GRIA3: variants seen among roughly 807,000 people sequenced by gnomAD.
GRIA3 encodes the protein glutamate receptor 3.
GRIA3 carries 3 observed loss-of-function variants against 63.0 expected under a neutral mutation model. That is an observed-to-expected ratio of 0.05 (90% CI 0.02 to 0.12). The LOEUF is 0.12. Ranked by LOEUF, GRIA3 falls within the 10% of genes least tolerant of loss-of-function variation. GRIA3 has a pLI of 1.00. For missense variants in GRIA3, 347 were observed against 700.9 expected (o/e 0.50, Z 5.70); for synonymous variants, 274 against 257.9 (o/e 1.06, Z -0.60).
At chrX:123,222,693 G>A (rs991727856) in intron 2 of GRIA3, among the ~76,000 whole-genome samples, 2 of 112,020 alleles carry the variant, frequency 1.8e-5, no homozygotes, top group Non-Finnish European at 3.8e-5. Flanking sequence ...GAGCATCAGT[G>A]TTTTTTAAAA....
rs61568421 is a variant in GRIA3 at position 123,377,183 on chromosome X, G to A, written c.751-17785G>A. On this transcript the variant is annotated intron_variant, in intron 5 of 15. Coordinates refer to ENST00000620443, the MANE Select transcript of GRIA3 (RefSeq NM_007325.5). Reference sequence around the variant, plus strand: ...GATCTCCTGACCTTGTGATCCGCCCGCCTCGGCCTCCCAAAGTGCTGGTAG... The same window carrying A: ...GATCTCCTGACCTTGTGATCCGCCCACCTCGGCCTCCCAAAGTGCTGGTAG... Among the ~76,000 whole-genome samples the A allele has an allele frequency of 8.0e-3, 884 of 110,741 alleles. 16 individuals are homozygous for A. The East Asian group carries it at 0.11, about 13-fold the overall frequency.
At chrX:123,442,217 G>T (rs961579672) in intron 12 of GRIA3, among the ~76,000 whole-genome samples, 1 of 112,140 alleles carries the variant, frequency 8.9e-6, no homozygotes, top group African/African-American at 3.2e-5. Context: ...ATCTGGAACT[G>T]CCCAAAGAGC....
intron 3 of GRIA3, among the ~76,000 whole-genome samples, chrX:123,259,360 C>T (rs964222370): frequency 9.0e-6 from 1 of 111,396 alleles, no homozygotes; most frequent in African/African-American, 3.3e-5. Context: ...TCATCCCATT[C>T]ACCCAGTTCT....
At chrX:123,431,185 T>C (rs1445516241) in intron 12 of GRIA3, among the ~76,000 whole-genome samples, 2 of 112,139 alleles carry the variant, frequency 1.8e-5, no homozygotes, top group African/African-American at 6.5e-5. Flanking sequence ...AGGGACCAAA[T>C]TGTAATAACA....
At chrX:123,255,314 CTG>C (rs1165657037) in intron 3 of GRIA3, among the ~76,000 whole-genome samples, 3 of 111,579 alleles carry the variant, frequency 2.7e-5, no homozygotes, top group African/African-American at 9.8e-5. Flanking sequence ...GGAAGGAACA[CTG>C]TGTGTTCAGG....
chrX:123,184,785 C>T lies in GRIA3; in HGVS notation c.109+141C>T. The T allele has an allele frequency of 1.5e-5, 3 of 206,874 alleles. No individual in the cohort carries two copies. In the Admixed American group the frequency reaches 1.5e-4, roughly 10 times the overall value. The allele number at this position is 206,874 out of a possible 1,213,427, so 17.0% of individuals were successfully genotyped here. A position where few individuals can be genotyped will look rare whatever the true frequency, so the allele number is the denominator to read the frequency against. Reference sequence around the variant, plus strand: ...GGGCCGGGACCGGGCAGAGATGGTGCGGGGCGGGGGGCGGGGCGGGGGGAA... The same window carrying T: ...GGGCCGGGACCGGGCAGAGATGGTGTGGGGCGGGGGGCGGGGCGGGGGGAA... On this transcript the variant is annotated intron_variant, in intron 1 of 15. Transcript: ENST00000620443.
In GRIA3 at chrX:123,238,603, G is replaced by A. The variant is rs181230725; in HGVS notation, c.269-14700G>A. 5.4e-5 allele frequency among the ~76,000 whole-genome samples: 6 copies of A among 112,044 alleles called. No homozygotes were observed. The Admixed American group carries it at 5.7e-4, about 11-fold the overall frequency. ...ACCTTTACTACAAAGATGCACCTTG[G>A]CATTTTTCTAGGCTGTTTCATTTAT... On this transcript the variant is annotated intron_variant, in intron 2 of 15. Coordinates refer to ENST00000620443, the MANE Select transcript of GRIA3 (RefSeq NM_007325.5).
At chrX:123,274,468 T>C (rs2044542199) in intron 3 of GRIA3, among the ~76,000 whole-genome samples, 1 of 112,315 alleles carries the variant, frequency 8.9e-6, no homozygotes, top group African/African-American at 3.2e-5. Flanking sequence ...ACCTAGTCAC[T>C]TGTCCATGAC....
chrX:123,266,270 A>G (rs1219277202), intron 3 of GRIA3, among the ~76,000 whole-genome samples: 2 of 111,762 alleles, frequency 1.8e-5, no homozygotes, highest in Non-Finnish European at 3.8e-5. Flanking sequence ...TTCTGGATCC[A>G]TAGTTTGGTT....
intron 3 of GRIA3, among the ~76,000 whole-genome samples, chrX:123,303,737 T>G (rs1439322536): frequency 9.0e-6 from 1 of 110,635 alleles, no homozygotes; most frequent in African/African-American, 3.3e-5. Context: ...GTGAGGAGGA[T>G]CTCCCATTAG....
chrX:123,187,019 G>A (rs1228498916), intron 2 of GRIA3, among the ~76,000 whole-genome samples: 1 of 112,478 alleles, frequency 8.9e-6, no homozygotes, highest in Non-Finnish European at 1.9e-5. Context: ...TTCACTAAAA[G>A]TTTTCACAAC....
intron 3 of GRIA3, among the ~76,000 whole-genome samples, chrX:123,263,383 C>T (rs1346363332): frequency 8.9e-6 from 1 of 112,363 alleles, no homozygotes; most frequent in Non-Finnish European, 1.9e-5. Context: ...AATAGGTTGC[C>T]AGTGTCGGCT....
chrX:123,249,417 C>A (rs2147280414), intron 2 of GRIA3, among the ~76,000 whole-genome samples: 1 of 111,558 alleles, frequency 9.0e-6, no homozygotes, highest in Non-Finnish European at 1.9e-5. Context: ...TCCATTCAAC[C>A]CTACTTTTGA....
intron 3 of GRIA3, among the ~76,000 whole-genome samples, chrX:123,275,822 C>G (rs985273247): frequency 5.4e-5 from 6 of 111,873 alleles, no homozygotes; most frequent in Non-Finnish European, 9.4e-5. Flanking sequence ...TCCCATTTTC[C>G]CAGTTGGAAG....
intron 5 of GRIA3, among the ~76,000 whole-genome samples, chrX:123,378,178 G>T (rs1191284671): frequency 1.8e-5 from 2 of 111,519 alleles, no homozygotes; most frequent in East Asian, 2.8e-4. Flanking sequence ...CAAAGTAGCA[G>T]TTTATGAAGA....
At chrX:123,208,385 G>C (rs1927950676) in intron 2 of GRIA3, among the ~76,000 whole-genome samples, 1 of 112,016 alleles carries the variant, frequency 8.9e-6, no homozygotes, top group African/African-American at 3.2e-5. Context: ...GATCCTGTGA[G>C]GGCCTTTCTA....
rs752445338 is a variant in GRIA3 at position 123,457,683 on chromosome X, T to A, written c.2077-7182T>A. ...GCATTCTGACAGTAAATTAATAGCA[T>A]AAATGAATAGCATATTATGCTTCTG... is the stretch of plus-strand genomic sequence containing the variant. On this transcript the variant is annotated intron_variant, in intron 12 of 15. Coordinates refer to ENST00000620443, the MANE Select transcript of GRIA3 (RefSeq NM_007325.5). Among the ~76,000 whole-genome samples the A allele has an allele frequency of 1.1e-4, 12 of 112,308 alleles. No homozygotes were observed. The South Asian group carries it at 4.4e-3, about 42-fold the overall frequency.
intron 3 of GRIA3, among the ~76,000 whole-genome samples, chrX:123,300,472 T>C (rs1236209588): frequency 1.9e-5 from 2 of 103,944 alleles, no homozygotes; most frequent in Non-Finnish European, 3.9e-5. Flanking sequence ...GGTTCAGTCT[T>C]GGGAGGGTGT....
intron 2 of GRIA3, among the ~76,000 whole-genome samples, chrX:123,207,957 G>A (rs898086303): frequency 3.6e-5 from 4 of 112,206 alleles, no homozygotes; most frequent in Non-Finnish European, 7.5e-5. Context: ...CCTACCTACA[G>A]GCAGGGCCAA....
Sources: gnomAD v4.1 joint callset for allele counts (sites outside exome capture counted in the v4.1 genomes callset) on GRCh38, gnomAD v4.1.1 for gene constraint, MANE v1.5 for transcripts, NCBI Gene and HGNC (gene_info 2026-07-23, HGNC 2026-07-21) for gene names.